Variants in KLHL17 observed in about 807,000 individuals in gnomAD.
KLHL17 encodes kelch like family member 17, also known as kelch-like protein 17.
A neutral mutation model predicts 64.6 loss-of-function variants in KLHL17; 71 were observed. That is an observed-to-expected ratio of 1.10 (90% CI 0.91 to 1.34). The LOEUF (loss-of-function observed/expected upper bound fraction) is 1.34. Among genes scored for constraint, KLHL17 ranks in the 40% most tolerant of loss-of-function variants. The pLI, the probability that KLHL17 is intolerant of heterozygous loss-of-function variation, is 0.00. For missense variants in KLHL17, 1,140 were observed against 935.0 expected, an observed-to-expected ratio of 1.22 and a Z score of -2.86; for synonymous variants, 612 against 405.4, an observed-to-expected ratio of 1.51 and a Z score of -6.12.
At position 963,917 on chromosome 1, in the gene KLHL17, C is replaced by T. The variant is rs1267253175; in HGVS notation, c.1356-3C>T. The T allele has an allele frequency of 2.0e-5, 32 of 1,612,028 alleles. No individual in the cohort carries two copies. The highest frequency in any genetic ancestry group is 4.0e-5 in the African/African-American group (3 of 74,928). On this transcript the variant is annotated splice_region_variant and splice_polypyrimidine_tract_variant and intron_variant, in intron 8 of 11. Transcript: ENST00000338591. Reference sequence around the variant, plus strand: ...GCTGTGGCTGCGGTCCTGGTGCCCACAGTGCTGAACGCTACGACCCCCTGA... The same window carrying T: ...GCTGTGGCTGCGGTCCTGGTGCCCATAGTGCTGAACGCTACGACCCCCTGA...
Position 961,940 on chromosome 1 carries a change from G to C in KLHL17, c.604G>C (p.Asp202His), listed in dbSNP as rs758009322. ...SNCLGIRGFA[D>H]AHSCSDLLKA... ...CTGCCTGGGTATCCGGGGCTTTGCC[G>C]ATGCGCACTCCTGCAGCGACCTGCT... Residue 202 changes from aspartate (D) to histidine (H), a missense_variant, in exon 4 of 12, where the codon GAT (aspartate) becomes CAT (histidine). Transcript: ENST00000338591. 1 of 1,612,820 alleles carries C rather than the reference G, an allele frequency of 6.2e-7. No homozygotes were observed. Among genetic ancestry groups the C allele is most frequent in the East Asian group, 2.2e-5 (1 of 44,894 alleles).
chr1:961,996 C>T lies in KLHL17; in HGVS notation c.660C>T (p.His220=), dbSNP rs750922306. The change falls in exon 4 of 12, where the codon CAC becomes CAT. Residue 220 remains histidine (H), a synonymous_variant. Transcript: ENST00000338591. ...LKAAHRYVLQ[H]FVDVAKTEEF... is the part of the protein sequence containing the mutation. ...CCGCCCACAGGTACGTGCTGCAGCA[C>T]TTCGTGGACGTGGCCAAGACCGAGG... The T allele has an allele frequency of 5.0e-6, 8 of 1,612,928 alleles. No individual in the cohort carries two copies. Among genetic ancestry groups the T allele is most frequent in the East Asian group, 2.2e-5 (1 of 44,886 alleles).
chr1:961,680 C>G lies in KLHL17; in HGVS notation c.419C>G (p.Pro140Arg), dbSNP rs376612097. Residue 140 changes from proline (P) to arginine (R), a missense_variant, in exon 3 of 12, where the codon CCT (proline) becomes CGT (arginine). Physicochemically the swap from Pro to Arg is moderately radical, Grantham distance 103. Coordinates refer to ENST00000338591, the MANE Select transcript of KLHL17 (RefSeq NM_198317.3). ...QTHVTLHDID[P>R]QALDQLVQFA... ...CACGTGACGCTGCACGACATCGACC[C>G]TCAGGCCTTGGACCAGCTGGTGCAG... 1.2e-6 allele frequency: 2 copies of G among 1,612,444 alleles called. No individual in the cohort carries two copies.
chr1:962,624 G>A (rs369009420), intron 5 of KLHL17, 80 bp from the exon 6 acceptor site: 22 of 1,523,694 alleles, frequency 1.4e-5, no homozygotes, highest in Middle Eastern at 2.4e-4. Flanking sequence ...AGGTGGTACG[G>A]GCATCTGGGG....
In KLHL17 at chr1:962,763, T is replaced by C; in HGVS notation, c.888T>C (p.Asp296=). The change falls in exon 6 of 12, where the codon GAT becomes GAC. Residue 296 remains aspartate, a synonymous_variant. Coordinates refer to ENST00000338591, the MANE Select transcript of KLHL17 (RefSeq NM_198317.3). ...LSRDFLLGHV[D]AESLVRHHPD... is the part of the protein sequence containing the mutation. ...GCGACTTCCTGCTGGGCCACGTGGA[T>C]GCCGAGAGCCTGGTGAGGCACCACC... 1 of 1,611,188 alleles carries C rather than the reference T, an allele frequency of 6.2e-7. No individual in the cohort carries two copies. Among genetic ancestry groups the C allele is most frequent in the East Asian group, 2.2e-5 (1 of 44,860 alleles).
Position 965,069 on chromosome 1 carries a change from A to C in KLHL17, c.1807A>C (p.Lys603Gln). The C allele has an allele frequency of 1.2e-6, 2 of 1,612,592 alleles. No individual in the cohort carries two copies. Among genetic ancestry groups the C allele is most frequent in the Non-Finnish European group, 1.7e-6 (2 of 1,179,778 alleles). ...SIEKYNPRTN[K>Q]WVAASCMFTR... ...CGAGAAGTACAACCCGAGGACCAAC[A>C]AGTGGGTGGCCGCATCCTGCATGTT... Residue 603 changes from lysine (K) to glutamine (Q), a missense_variant, in exon 12 of 12, where the codon AAG becomes CAG. Transcript: ENST00000338591.
At position 964,534 on chromosome 1, in the gene KLHL17, C is replaced by T. The variant is rs773616409; in HGVS notation, c.1700+4C>T. 1.7e-5 allele frequency: 25 copies of T among 1,467,936 alleles called. No homozygotes were observed. In the African/African-American group the frequency reaches 2.3e-4, roughly 13 times the overall value. 90.9% of individuals were successfully genotyped at this position (1,467,936 alleles called of 1,614,324 possible). On this transcript the variant is annotated splice_donor_region_variant and intron_variant, in intron 11 of 11. Transcript: ENST00000338591. ...TGGCGCCCATGAATATCCGCAGGTC[C>T]GCAGTGGGGCTGCGGGGAGGGGGGC...
rs776867606 is a variant in KLHL17 at position 964,116 on chromosome 1, T to C, written c.1454T>C (p.Leu485Pro). 19 of 1,612,586 alleles carry C rather than the reference T, an allele frequency of 1.2e-5. No individual in the cohort carries two copies. Among genetic ancestry groups the C allele is most frequent in the Non-Finnish European group, 1.5e-5 (18 of 1,179,922 alleles). Reference protein sequence around the residue: ...YVRVATLDGNLYAVGGYDSSS... With the variant: ...YVRVATLDGNPYAVGGYDSSS... ...TGTTGACTTCCGGCAGATGGGAACCTGTATGCTGTGGGCGGCTACGACAGC... is the reference window on the plus strand; with the variant it reads ...TGTTGACTTCCGGCAGATGGGAACCCGTATGCTGTGGGCGGCTACGACAGC... The change falls in exon 10 of 12, where the codon CTG becomes CCG. Residue 485 changes from leucine to proline, a missense_variant. Coordinates refer to ENST00000338591, the MANE Select transcript of KLHL17 (RefSeq NM_198317.3).
rs1431353192 is a variant in KLHL17 at position 964,424 on chromosome 1, C to T, written c.1594C>T (p.Leu532=). 12 of 1,551,378 alleles carry T rather than the reference C, an allele frequency of 7.7e-6. No homozygotes were observed. Among genetic ancestry groups the T allele is most frequent in the Admixed American group, 1.9e-5 (1 of 51,398 alleles). Residue 532 remains leucine (L), a synonymous_variant, in exon 11 of 12, where the codon CTG becomes TTG. Coordinates refer to ENST00000338591, the MANE Select transcript of KLHL17 (RefSeq NM_198317.3). ...SAGVAVLEGA[L]YVAGGNDGTS... is the part of the protein sequence containing the mutation. ...GGGCGTGGCCGTGCTGGAGGGTGCC[C>T]TGTACGTGGCAGGGGGCAACGACGG...
intron 2 of KLHL17, 34 bp downstream of exon 2, chr1:961,586 G>A (rs1399032594): frequency 1.9e-6 from 3 of 1,612,720 alleles, no homozygotes; most frequent in Non-Finnish European, 2.5e-6. Flanking sequence ...TGGGGGCTCC[G>A]TGGGTCCCTC....
rs752348832 is a variant in KLHL17, at chr1:964,209, C to T, written c.1518+29C>T. On this transcript the variant is annotated intron_variant, in intron 10 of 11. Coordinates refer to ENST00000338591, the MANE Select transcript of KLHL17 (RefSeq NM_198317.3). ...CATAGTGCACCCCTCCTGGCCACCC[C>T]CTCCCGTGCGCCGCGGGGCCCTCCT... The T allele has an allele frequency of 3.3e-5, 53 of 1,611,232 alleles. No individual in the cohort carries two copies. The East Asian group carries it at 1.1e-3, about 33-fold the overall frequency.
chr1:963,014 C>T (rs753047772), intron 6 of KLHL17, 95 bp from the exon 7 acceptor site: 22 of 1,537,544 alleles, frequency 1.4e-5, no homozygotes, highest in South Asian at 5.9e-5. Flanking sequence ...TGACCTGCCC[C>T]TCCGCCCCTC....
Position 961,157 on chromosome 1 carries a change from G to A in KLHL17, c.108-136G>A, listed in dbSNP as rs1481004090. 9.4e-6 allele frequency: 5 copies of A among 529,268 alleles called. No individual in the cohort carries two copies. The East Asian group carries it at 3.3e-4, about 35-fold the overall frequency. The allele number at this position is 529,268 out of a possible 1,614,324, so 32.8% of individuals were successfully genotyped here. A position where few individuals can be genotyped will look rare whatever the true frequency, so the allele number is the denominator to read the frequency against. On this transcript the variant is annotated intron_variant, in intron 1 of 11. Transcript: ENST00000338591. Reference sequence around the variant, plus strand: ...GCGCTCCGGGGCGGGGGTCCTTGGCGGAGGTCAGGCGAGGGCTGCCGGCGC... The same window carrying A: ...GCGCTCCGGGGCGGGGGTCCTTGGCAGAGGTCAGGCGAGGGCTGCCGGCGC...
chr1:962,027 A>C lies in KLHL17; in HGVS notation c.691A>C (p.Met231Leu), dbSNP rs1443320963. 5.0e-6 allele frequency: 8 copies of C among 1,612,746 alleles called. No individual in the cohort carries two copies. Among genetic ancestry groups the C allele is most frequent in the Non-Finnish European group, 6.8e-6 (8 of 1,179,966 alleles). The change falls in exon 4 of 12, where the codon ATG (methionine) becomes CTG (leucine). Residue 231 changes from methionine (M) to leucine (L), a missense_variant. Transcript: ENST00000338591. ...FVDVAKTEEF[M>L]LLPLKQVLEL... ...GGACGTGGCCAAGACCGAGGAGTTT[A>C]TGCTGCTGCCCCTGAAACAGGTAAC...
Position 963,330 on chromosome 1 carries a change from C to G in KLHL17, c.1188-7C>G. On this transcript the variant is annotated splice_polypyrimidine_tract_variant and splice_region_variant and intron_variant, in intron 7 of 11. Transcript: ENST00000338591. ...AGTCTTGACCTGCAGTGGCTTAATT[C>G]CGCTAGCTATGATGGGACCTCAGAC... 6.2e-7 allele frequency: 1 copy of G among 1,606,552 alleles called. No individual in the cohort carries two copies. Among genetic ancestry groups the G allele is most frequent in the Non-Finnish European group, 8.5e-7 (1 of 1,175,156 alleles).
chr1:964,316 G>C, intron 10 of KLHL17, 33 bp from the exon 11 acceptor site: 7 of 1,554,696 alleles, frequency 4.5e-6, no homozygotes, highest in Non-Finnish European at 6.1e-6. Flanking sequence ...TGCCAGTGGC[G>C]GGTCTGCGTC....
At position 963,495 on chromosome 1, in the gene KLHL17, G is replaced by A. The variant is rs150563961; in HGVS notation, c.1346G>A (p.Cys449Tyr). The change falls in exon 8 of 12, where the codon TGC becomes TAC. Residue 449 changes from cysteine (C) to tyrosine (Y), a missense_variant. Physicochemically the swap from Cys to Tyr is radical, Grantham distance 194 (BLOSUM62 -2). Transcript: ENST00000338591. ...GCCGGCGGCTATGACGGGGCCTCCT[G>A]CCTGAACAGGTAGTTGGGGTTGGGG... ...YSAGGYDGAS[C>Y]LNSAERYDPL... 6.2e-6 allele frequency: 10 copies of A among 1,607,574 alleles called. No homozygotes were observed. The highest frequency in any genetic ancestry group is 7.6e-6 in the Non-Finnish European group (9 of 1,176,684).
In KLHL17 at chr1:963,453, A is replaced by T; in HGVS notation, c.1304A>T (p.His435Leu). ...RRSCLGVAAL[H>L]GLLYSAGGYD... ...AGCTGCCTGGGTGTGGCCGCCTTGC[A>T]TGGACTCCTGTACTCGGCCGGCGGC... The change falls in exon 8 of 12, where the codon CAT becomes CTT. Residue 435 changes from histidine to leucine, a missense_variant. Transcript: ENST00000338591. 1 of 1,612,538 alleles carries T rather than the reference A, an allele frequency of 6.2e-7. No individual in the cohort carries two copies. Among genetic ancestry groups the T allele is most frequent in the South Asian group, 1.1e-5 (1 of 91,076 alleles).
At position 962,237 on chromosome 1, in the gene KLHL17, C is replaced by T. The variant is rs563714868; in HGVS notation, c.712-118C>T. On this transcript the variant is annotated intron_variant, in intron 4 of 11. Transcript: ENST00000338591. Reference sequence around the variant, plus strand: ...TCTGTGGCTCCTGACTCTGCTCGGCCCCTCCCAGTATGAACACTCAGCCCC... The same window carrying T: ...TCTGTGGCTCCTGACTCTGCTCGGCTCCTCCCAGTATGAACACTCAGCCCC... The T allele has an allele frequency of 7.7e-5, 118 of 1,525,172 alleles. No individual in the cohort carries two copies. The African/African-American group carries it at 1.2e-3, about 15-fold the overall frequency. 94.5% of individuals were successfully genotyped at this position (1,525,172 alleles called of 1,614,324 possible).
Sources: allele counts gnomAD v4.1 joint callset, GRCh38; gene constraint gnomAD v4.1.1; transcripts MANE v1.5; gene names NCBI Gene and HGNC (gene_info 2026-07-23, HGNC 2026-07-21).